The following GPC6 variants were observed in gnomAD, a reference collection of about 807,000 sequenced individuals.
GPC6 encodes the protein glypican 6.
A neutral mutation model predicts 55.2 loss-of-function variants in GPC6; 14 were observed. The observed-to-expected ratio is 0.25, with a 90% CI of 0.17 to 0.40. GPC6 has a LOEUF of 0.40. Ranked by LOEUF, GPC6 falls within the 10% of genes least tolerant of loss-of-function variation. GPC6 has a pLI of 1.00. For synonymous variants in GPC6, 278 were observed against 259.6 expected (o/e 1.07, Z -0.68); for missense variants, 641 against 708.5 (o/e 0.90, Z 1.08).
At chr13:93,666,876 A>T (rs761206579) in intron 2 of GPC6, among the ~76,000 whole-genome samples, 1 of 152,180 alleles carries the variant, frequency 6.6e-6, no homozygotes, top group Non-Finnish European at 1.5e-5. Flanking sequence ...AACTCTGTAT[A>T]TTTAACTGTG....
intron 1 of GPC6, among the ~76,000 whole-genome samples, chr13:93,454,004 G>T (rs1216832878): frequency 6.6e-6 from 1 of 152,134 alleles, no homozygotes; most frequent in Non-Finnish European, 1.5e-5. Flanking sequence ...GCTGATTGGT[G>T]CATTTACAAT....
intron 2 of GPC6, among the ~76,000 whole-genome samples, chr13:93,782,845 T>A (rs1367908754): frequency 1.3e-5 from 2 of 152,174 alleles, no homozygotes; most frequent in Middle Eastern, 3.2e-3. Context: ...TATTTATTTA[T>A]TATTTTCTTT....
chr13:93,938,027 T>G (rs2140360172), intron 3 of GPC6, among the ~76,000 whole-genome samples: 1 of 152,280 alleles, frequency 6.6e-6, no homozygotes, highest in East Asian at 1.9e-4. Context: ...CCTTAATTAG[T>G]TTGACCCTTA....
At chr13:94,123,678 T>TATGC (rs544452471) in intron 4 of GPC6, among the ~76,000 whole-genome samples, 3 of 152,010 alleles carry the variant, frequency 2.0e-5, no homozygotes, top group Non-Finnish European at 4.4e-5. Flanking sequence ...TGTGTGTTTG[T>TATGC]ATGCATGCAC....
chr13:93,562,131 T>C (rs989485878), intron 2 of GPC6, among the ~76,000 whole-genome samples: 10 of 151,982 alleles, frequency 6.6e-5, no homozygotes, highest in Non-Finnish European at 1.0e-4. Context: ...TGCTAAGCCA[T>C]AGTTTGTGAT....
Position 93,231,402 on chromosome 13 carries a change from T to C in GPC6, c.160+3786T>C, listed in dbSNP as rs867918329. On this transcript the variant is annotated intron_variant, in intron 1 of 8. Coordinates refer to ENST00000377047, the MANE Select transcript of GPC6 (RefSeq NM_005708.5). ...ATACATATATATATATATATGTATATATATATATATATATATATATACGTA... is the reference window on the plus strand; with the variant it reads ...ATACATATATATATATATATGTATACATATATATATATATATATATACGTA... Among the ~76,000 whole-genome samples, 129 of 39,194 alleles carry C rather than the reference T, an allele frequency of 3.3e-3. 1 individual carries two copies. Among genetic ancestry groups the C allele is most frequent in the African/African-American group, 0.016 (120 of 7,452 alleles). The allele number at this position is 39,194 out of a possible 152,430, so 25.7% of individuals were successfully genotyped here.
chr13:93,526,129 G>C (rs941398405), intron 1 of GPC6, among the ~76,000 whole-genome samples: 5 of 152,008 alleles, frequency 3.3e-5, no homozygotes, highest in African/African-American at 1.2e-4. Flanking sequence ...TACTCTGATA[G>C]CTAAAAATTC....
intron 3 of GPC6, among the ~76,000 whole-genome samples, chr13:93,890,140 G>T (rs1294093229): frequency 6.6e-6 from 1 of 152,078 alleles, no homozygotes; most frequent in Non-Finnish European, 1.5e-5. Context: ...AGATTCCAGA[G>T]GCTGTGTCCC....
intron 3 of GPC6, among the ~76,000 whole-genome samples, chr13:93,957,370 C>A (rs995740780): frequency 2.0e-5 from 3 of 152,020 alleles, no homozygotes; most frequent in Non-Finnish European, 4.4e-5. Flanking sequence ...ACCCATGCTC[C>A]CTTCCTGTCA....
chr13:93,928,856 T>TAC (rs10642875), intron 3 of GPC6, among the ~76,000 whole-genome samples: 26,934 of 142,632 alleles, frequency 0.19, 2,413 homozygotes, highest in Admixed American at 0.21. Context: ...CCCTGTGTGT[T>TAC]ACACACACAC....
chr13:93,340,286 G>A (rs1425818267), intron 1 of GPC6, among the ~76,000 whole-genome samples: 1 of 151,768 alleles, frequency 6.6e-6, no homozygotes, highest in African/African-American at 2.4e-5. Context: ...TGCCCGCCTC[G>A]GCCTCCCAAA....
chr13:93,780,952 C>A (rs969577394), intron 2 of GPC6, among the ~76,000 whole-genome samples: 2 of 151,938 alleles, frequency 1.3e-5, no homozygotes, highest in Non-Finnish European at 2.9e-5. Context: ...AATGTTTAAG[C>A]CCCTATTTCC....
chr13:93,722,984 C>A (rs1883503036), intron 2 of GPC6, among the ~76,000 whole-genome samples: 3 of 151,890 alleles, frequency 2.0e-5, no homozygotes, highest in Admixed American at 2.0e-4. Flanking sequence ...TCTGTGAAGA[C>A]CTTATTTTCA....
intron 4 of GPC6, among the ~76,000 whole-genome samples, chr13:94,174,789 C>T (rs187937531): frequency 6.6e-6 from 1 of 152,238 alleles, no homozygotes; most frequent in African/African-American, 2.4e-5. Context: ...TACCTTTCAA[C>T]CATATATGGA....
At chr13:94,131,139 C>T (rs1886986655) in intron 4 of GPC6, among the ~76,000 whole-genome samples, 2 of 151,966 alleles carry the variant, frequency 1.3e-5, no homozygotes, top group East Asian at 3.9e-4. Context: ...AATTAAGATT[C>T]CTAAAATATA....
At chr13:94,080,017 G>C (rs1392667207) in intron 4 of GPC6, among the ~76,000 whole-genome samples, 1 of 152,138 alleles carries the variant, frequency 6.6e-6, no homozygotes, top group Non-Finnish European at 1.5e-5. Flanking sequence ...TGCCATAAAT[G>C]ATACCATGTG....
chr13:94,378,837 G>A (rs1880023116), intron 6 of GPC6, among the ~76,000 whole-genome samples: 2 of 152,198 alleles, frequency 1.3e-5, no homozygotes, highest in South Asian at 2.1e-4. Context: ...CTGTTCACAA[G>A]TATTGGTAAG....
chr13:94,246,288 A>G (rs1163166239), intron 4 of GPC6, among the ~76,000 whole-genome samples: 2 of 151,952 alleles, frequency 1.3e-5, no homozygotes, highest in Non-Finnish European at 2.9e-5. Flanking sequence ...TGGTTTGTAA[A>G]TATTTTTTCT....
chr13:94,067,978 A>G (rs528261218), intron 4 of GPC6, among the ~76,000 whole-genome samples: 3 of 152,218 alleles, frequency 2.0e-5, no homozygotes, highest in Admixed American at 1.3e-4. Flanking sequence ...CAGTGGTGGC[A>G]CTTCATGAAT....
Sources: gnomAD v4.1 joint callset for allele counts (sites outside exome capture counted in the v4.1 genomes callset) on GRCh38, gnomAD v4.1.1 for gene constraint, MANE v1.5 for transcripts, NCBI Gene and HGNC (gene_info 2026-07-23, HGNC 2026-07-21) for gene names.